DNM3: variants seen among roughly 807,000 people sequenced by gnomAD.
The protein encoded by DNM3 is dynamin-3.
In DNM3, 47 loss-of-function variants were observed where a neutral mutation model predicts 101.6. That is an observed-to-expected ratio of 0.46 (90% CI 0.37 to 0.59). The LOEUF is 0.59. DNM3 is among the 20% of genes least tolerant of loss of function. The pLI is 0.00. For missense variants in DNM3, 849 were observed against 1,085.7 expected (o/e 0.78, Z 3.06); for synonymous variants, 385 against 387.9 (o/e 0.99, Z 0.09).
chr1:171,926,895 C>T (rs939783922), intron 2 of DNM3, among the ~76,000 whole-genome samples: 3 of 152,134 alleles, frequency 2.0e-5, no homozygotes, highest in African/African-American at 7.2e-5. Flanking sequence ...GAAGGAACTT[C>T]CTCAACCTGG....
At chr1:172,188,852 A>G (rs2059610702) in intron 14 of DNM3, among the ~76,000 whole-genome samples, 1 of 152,042 alleles carries the variant, frequency 6.6e-6, no homozygotes, top group Admixed American at 6.6e-5. Context: ...TGGCATTGTC[A>G]AGTTTTTTAA....
At chr1:171,902,791 G>C (rs1375446015) in intron 1 of DNM3, among the ~76,000 whole-genome samples, 2 of 152,094 alleles carry the variant, frequency 1.3e-5, no homozygotes, top group African/African-American at 2.4e-5. Context: ...GTAAAAGAAT[G>C]GTTACTGGTT....
chr1:172,068,996 T>C (rs529428089), intron 11 of DNM3, 91 bp downstream of exon 11: 2 of 1,114,226 alleles, frequency 1.8e-6, no homozygotes, highest in Admixed American at 4.7e-5. Context: ...AGTCAGCCTG[T>C]CGCTTAAAGG....
intron 15 of DNM3, among the ~76,000 whole-genome samples, chr1:172,283,233 G>A (rs1358856340): frequency 6.6e-6 from 1 of 151,988 alleles, no homozygotes; most frequent in Non-Finnish European, 1.5e-5. Flanking sequence ...ATCTTCCCTT[G>A]GCCTTTTAGC....
chr1:172,066,363 G>T (rs962022214), intron 10 of DNM3, among the ~76,000 whole-genome samples: 6 of 152,222 alleles, frequency 3.9e-5, no homozygotes, highest in African/African-American at 1.4e-4. Context: ...GGAAGACCCA[G>T]TGTTGAGGGT....
chr1:171,964,216 C>T (rs538692288), intron 2 of DNM3, among the ~76,000 whole-genome samples: 12 of 152,180 alleles, frequency 7.9e-5, no homozygotes, highest in African/African-American at 2.6e-4. Context: ...GGTCTTTTTC[C>T]TGATCCAGGA....
chr1:172,178,686 T>C (rs1023924780), intron 14 of DNM3, among the ~76,000 whole-genome samples: 2 of 151,770 alleles, frequency 1.3e-5, no homozygotes, highest in East Asian at 1.9e-4. Context: ...AGACAGAGAA[T>C]GGACCCTGGT....
rs189950234 is a variant in DNM3, at chr1:171,929,154, G to A, written c.235+7333G>A. On this transcript the variant is annotated intron_variant, in intron 2 of 20. Transcript: ENST00000627582. ...GGGGCATCTGCTTTAGCCCCTGGTT[G>A]CCTCAGACACTCCAAAGCCTGAAGG... Among the ~76,000 whole-genome samples the A allele has an allele frequency of 8.4e-4, 128 of 152,166 alleles. 2 individuals are homozygous for A. The highest frequency in any genetic ancestry group is 8.3e-3 in the Admixed American group (127 of 15,286).
At chr1:172,088,327 G>T (rs1262441647) in intron 12 of DNM3, among the ~76,000 whole-genome samples, 1 of 152,164 alleles carries the variant, frequency 6.6e-6, no homozygotes, top group Non-Finnish European at 1.5e-5. Context: ...TTTAAGACTG[G>T]ACAGGACTCC....
downstream of DNM3, among the ~76,000 whole-genome samples, chr1:172,414,970 G>A (rs184405500): frequency 3.3e-3 from 497 of 151,924 alleles, 1 homozygote; most frequent in Non-Finnish European, 5.1e-3. Context: ...TGTAGTTCCA[G>A]CTACCGGAGA....
At chr1:171,889,372 A>T (rs575930229) in intron 1 of DNM3, among the ~76,000 whole-genome samples, 18 of 152,328 alleles carry the variant, frequency 1.2e-4, no homozygotes, top group African/African-American at 4.3e-4. Context: ...CATGGACTAT[A>T]TTTATATATT....
At chr1:172,219,610 G>A (rs1204762225) in intron 14 of DNM3, among the ~76,000 whole-genome samples, 1 of 152,006 alleles carries the variant, frequency 6.6e-6, no homozygotes, top group Non-Finnish European at 1.5e-5. Flanking sequence ...TCAGTCAAGG[G>A]AGCCTTCACA....
At chr1:171,896,861 CAG>C (rs2037854913) in intron 1 of DNM3, among the ~76,000 whole-genome samples, 1 of 152,050 alleles carries the variant, frequency 6.6e-6, no homozygotes, top group Non-Finnish European at 1.5e-5. Flanking sequence ...GGATTTTAGG[CAG>C]AGTTAACAAT....
chr1:172,246,546 G>A (rs1205780967), intron 14 of DNM3, among the ~76,000 whole-genome samples: 1 of 152,122 alleles, frequency 6.6e-6, no homozygotes. Context: ...GTGGCAAATA[G>A]GCAAAGGTAT....
chr1:172,309,397 C>T (rs2064985733), intron 16 of DNM3: 2 of 152,020 alleles, frequency 1.3e-5, no homozygotes, highest in Non-Finnish European at 2.9e-5. Flanking sequence ...GTCTTTAAGA[C>T]ACTTCTCTCA....
intron 14 of DNM3, among the ~76,000 whole-genome samples, chr1:172,148,930 T>C (rs2058027116): frequency 6.6e-6 from 1 of 152,154 alleles, no homozygotes; most frequent in South Asian, 2.1e-4. Context: ...ATCACTGCAG[T>C]GAAGTGCCTT....
intron 1 of DNM3, among the ~76,000 whole-genome samples, chr1:171,842,835 A>G (rs982175926): frequency 3.9e-5 from 6 of 152,254 alleles, no homozygotes; most frequent in Non-Finnish European, 8.8e-5. Flanking sequence ...AAGTTACCTT[A>G]ATGGCCTTGC....
intron 1 of DNM3, among the ~76,000 whole-genome samples, chr1:171,915,080 G>A (rs560456111): frequency 6.6e-6 from 1 of 152,186 alleles, no homozygotes; most frequent in Non-Finnish European, 1.5e-5. Flanking sequence ...TTTGTTTACT[G>A]TTATATCTCC....
chr1:172,106,649 A>G (rs984606916), intron 13 of DNM3, among the ~76,000 whole-genome samples: 31 of 152,040 alleles, frequency 2.0e-4, no homozygotes, highest in Admixed American at 2.0e-4. Context: ...TCTGTATCTG[A>G]GATTCTCCAT....
Sources: gnomAD v4.1 joint callset for allele counts (sites outside exome capture counted in the v4.1 genomes callset) on GRCh38, gnomAD v4.1.1 for gene constraint, MANE v1.5 for transcripts, NCBI Gene and HGNC (gene_info 2026-07-23, HGNC 2026-07-21) for gene names.